The following LPP variants were observed in gnomAD, a reference collection of about 807,000 sequenced individuals.
LPP encodes the protein lipoma-preferred partner.
Under a neutral mutation model 60.4 loss-of-function variants are expected in LPP, and 38 were observed. That is an observed-to-expected ratio of 0.63 (90% CI 0.49 to 0.83). LPP has a LOEUF of 0.83. Among genes scored for constraint, LPP ranks in the 40% least tolerant of loss-of-function variants. LPP has a pLI of 0.00. For missense variants in LPP, 902 were observed against 783.6 expected, an observed-to-expected ratio of 1.15 and a Z score of -1.80; for synonymous variants, 328 against 290.8, an observed-to-expected ratio of 1.13 and a Z score of -1.30.
intron 4 of LPP, among the ~76,000 whole-genome samples, chr3:188,451,813 AG>A (rs1328956006): frequency 2.0e-5 from 3 of 152,228 alleles, no homozygotes; most frequent in African/African-American, 7.2e-5. Flanking sequence ...AGAGATCCAC[AG>A]GCAAGAGGGA....
At chr3:188,310,135 C>T (rs1752919633) in intron 2 of LPP, among the ~76,000 whole-genome samples, 1 of 151,714 alleles carries the variant, frequency 6.6e-6, no homozygotes, top group South Asian at 2.1e-4. Context: ...TTTAAGATCT[C>T]TTTAAGTCAT....
chr3:188,727,595 C>A (rs1718896046), intron 8 of LPP, among the ~76,000 whole-genome samples: 1 of 152,080 alleles, frequency 6.6e-6, no homozygotes, highest in South Asian at 2.1e-4. Context: ...AGAAATAGAA[C>A]CCTAACCTTG....
chr3:188,236,534 C>T (rs532549066), intron 2 of LPP, among the ~76,000 whole-genome samples: 1 of 152,184 alleles, frequency 6.6e-6, no homozygotes, highest in African/African-American at 2.4e-5. Flanking sequence ...TTGCAACAAC[C>T]AGTAAGACAT....
chr3:188,163,625 G>C (rs989665537), intron 1 of LPP, among the ~76,000 whole-genome samples: 17 of 152,032 alleles, frequency 1.1e-4, no homozygotes, highest in African/African-American at 3.6e-4. Flanking sequence ...TTTTGTTAGA[G>C]GGGGTGCTAG....
chr3:188,715,858 G>A (rs565122190), intron 8 of LPP, among the ~76,000 whole-genome samples: 1 of 152,300 alleles, frequency 6.6e-6, no homozygotes, highest in South Asian at 2.1e-4. Context: ...AAGGCTGAAG[G>A]CAACACTGTT....
chr3:188,241,222 G>A (rs2149466227), intron 2 of LPP, among the ~76,000 whole-genome samples: 1 of 152,326 alleles, frequency 6.6e-6, no homozygotes, highest in East Asian at 1.9e-4. Flanking sequence ...AATCCAACCT[G>A]CTGTTATCTG....
At chr3:188,607,209 C>G (rs942832741) in intron 6 of LPP, among the ~76,000 whole-genome samples, 7 of 150,260 alleles carry the variant, frequency 4.7e-5, no homozygotes, top group Non-Finnish European at 7.4e-5. Flanking sequence ...CAACAGGGCA[C>G]AATTTCAGGA....
intron 5 of LPP, among the ~76,000 whole-genome samples, chr3:188,509,987 G>A (rs1814962654): frequency 6.6e-6 from 1 of 151,342 alleles, no homozygotes; most frequent in Non-Finnish European, 1.5e-5. Context: ...AAAGTGCTGG[G>A]ATTAGAGGCG....
At chr3:188,434,211 GA>G (rs779607519) in intron 4 of LPP, among the ~76,000 whole-genome samples, 1 of 152,074 alleles carries the variant, frequency 6.6e-6, no homozygotes, top group Non-Finnish European at 1.5e-5. Flanking sequence ...ATAGTGGTAA[GA>G]AACACATAGT....
At chr3:188,489,196 A>C (rs1309855443) in intron 5 of LPP, among the ~76,000 whole-genome samples, 1 of 152,204 alleles carries the variant, frequency 6.6e-6, no homozygotes, top group Non-Finnish European at 1.5e-5. Context: ...CAGGATAAGG[A>C]GATGGATCAG....
At chr3:188,405,879 C>CTCTTTCTT (rs72210157) in intron 3 of LPP, among the ~76,000 whole-genome samples, 1 of 8,800 alleles carries the variant, frequency 1.1e-4, no homozygotes, top group East Asian at 7.0e-4. Flanking sequence ...CCTCCTCTTT[C>CTCTTTCTT]TCTTTCTTTC....
At chr3:188,240,676 G>A (rs531753609) in intron 2 of LPP, among the ~76,000 whole-genome samples, 2 of 151,594 alleles carry the variant, frequency 1.3e-5, no homozygotes, top group African/African-American at 2.4e-5. Context: ...ATGTCAACTA[G>A]TAAGGCTGCT....
chr3:188,425,566 T>A (rs908928209), intron 4 of LPP, among the ~76,000 whole-genome samples: 3 of 152,204 alleles, frequency 2.0e-5, no homozygotes, highest in Admixed American at 2.0e-4. Flanking sequence ...TGGCTGTTAA[T>A]CTTTCTGGTC....
chr3:188,870,045 T>C (rs933395920), intron 10 of LPP, among the ~76,000 whole-genome samples: 1 of 152,180 alleles, frequency 6.6e-6, no homozygotes, highest in Non-Finnish European at 1.5e-5. Context: ...TTCTCAAGTT[T>C]AGATTTACAT....
At chr3:188,550,577 C>CAAAAAAAAAAAAA (rs67052080) in intron 6 of LPP, among the ~76,000 whole-genome samples, 16 of 66,902 alleles carry the variant, frequency 2.4e-4, no homozygotes, top group African/African-American at 8.9e-4. Context: ...GACTCCATCT[C>CAAAAAAAAAAAAA]AAAAAAAAAA....
chr3:188,645,120 A>T (rs905816012), intron 7 of LPP, among the ~76,000 whole-genome samples: 2 of 152,240 alleles, frequency 1.3e-5, no homozygotes, highest in Non-Finnish European at 2.9e-5. Flanking sequence ...TATTTTTATT[A>T]TCGTTGTAAT....
chr3:188,710,262 G>C (rs1269442959), intron 8 of LPP: 1 of 152,188 alleles, frequency 6.6e-6, no homozygotes, highest in Admixed American at 6.5e-5. Flanking sequence ...GTGTTGGGGT[G>C]GCAGTTTAGC....
At chr3:188,705,759 G>A (rs1308207390) in intron 7 of LPP, among the ~76,000 whole-genome samples, 1 of 152,012 alleles carries the variant, frequency 6.6e-6, no homozygotes, top group Non-Finnish European at 1.5e-5. Flanking sequence ...TGGGATTACA[G>A]GCGTGCATTA....
chr3:188,320,500 A>G (rs1482506683), intron 2 of LPP, among the ~76,000 whole-genome samples: 1 of 152,178 alleles, frequency 6.6e-6, no homozygotes, highest in African/African-American at 2.4e-5. Context: ...CACATCTCCA[A>G]TAGAAAGGAG....
Sources: allele counts gnomAD v4.1 joint callset (sites outside exome capture counted in the v4.1 genomes callset), GRCh38; gene constraint gnomAD v4.1.1; transcripts MANE v1.5; gene names NCBI Gene and HGNC (gene_info 2026-07-23, HGNC 2026-07-21).